The following PFDN4 variants were observed in gnomAD, a reference collection of about 807,000 sequenced individuals.
The protein encoded by PFDN4 is prefoldin 4.
In PFDN4, 6 loss-of-function variants were observed where a neutral mutation model predicts 17.6. The ratio of observed to expected loss-of-function variants is 0.34; its 90% confidence interval spans 0.19 to 0.67. The LOEUF (loss-of-function observed/expected upper bound fraction) is 0.67. Among genes scored for constraint, PFDN4 ranks in the 30% least tolerant of loss-of-function variants. The probability of loss-of-function intolerance (pLI) is 0.68; values close to 1 mark genes in which losing one functional copy is unlikely to be tolerated. For missense variants in PFDN4, 119 were observed against 158.4 expected (o/e 0.75, Z 1.33); for synonymous variants, 48 against 51.1 (o/e 0.94, Z 0.26).
chr20:54,213,540 C>A (rs2092758792), intron 1 of PFDN4, among the ~76,000 whole-genome samples: 1 of 152,124 alleles, frequency 6.6e-6, no homozygotes, highest in Non-Finnish European at 1.5e-5. Flanking sequence ...GGCTCTGTGG[C>A]TTTGGCCATA....
intron 1 of PFDN4, among the ~76,000 whole-genome samples, chr20:54,212,759 GCTGT>G (rs1436814459): frequency 7.2e-5 from 11 of 152,252 alleles, no homozygotes; most frequent in African/African-American, 2.7e-4. Context: ...AGAATTCTCT[GCTGT>G]CTATTTGCGT....
intron 3 of PFDN4, among the ~76,000 whole-genome samples, chr20:54,216,557 T>C (rs912577623): frequency 5.9e-5 from 9 of 152,204 alleles, no homozygotes; most frequent in African/African-American, 2.2e-4. Context: ...ACATTTTTAT[T>C]GGAAGTATTC....
chr20:54,215,341 G>A lies in PFDN4; in HGVS notation c.174G>A (p.Met58Ile). ...TAGAAGATGCTTGTGATGACATCAT[G>A]CTTGCAGATGATGATTGCTTAATGA... is the stretch of plus-strand genomic sequence containing the variant. Reference protein sequence around the residue: ...QNLEDACDDIMLADDDCLMIP... With the variant: ...QNLEDACDDIILADDDCLMIP... The change falls in exon 3 of 4, where the codon ATG (methionine) becomes ATA (isoleucine). Residue 58 changes from methionine to isoleucine, a missense_variant. Transcript: ENST00000371419. 6.2e-7 allele frequency: 1 copy of A among 1,601,390 alleles called. No homozygotes were observed. Among genetic ancestry groups the A allele is most frequent in the Non-Finnish European group, 8.5e-7 (1 of 1,171,044 alleles).
rs1242788813 is a variant in PFDN4, at chr20:54,215,439, A to G, written c.272A>G (p.Lys91Arg). 1.2e-5 allele frequency: 19 copies of G among 1,589,298 alleles called. No individual in the cohort carries two copies. The highest frequency in any genetic ancestry group is 1.5e-5 in the Non-Finnish European group (18 of 1,164,438). ...EETQEMLEEA[K>R]KNLQEEIDAL... ...ACGCAAGAAATGTTAGAAGAAGCAA[A>G]GGTATGTTAAAGGTTAATTCTGAAA... Residue 91 changes from lysine (K) to arginine (R), a missense_variant and splice_region_variant, in exon 3 of 4, where the codon AAG becomes AGG. Transcript: ENST00000371419.
intron 1 of PFDN4, chr20:54,208,366 C>T: frequency 7.0e-6 from 3 of 429,118 alleles, no homozygotes; most frequent in South Asian, 5.3e-5. Flanking sequence ...CCTCGAAGGA[C>T]GCAGGTCCGC....
rs1325202059 is a variant in PFDN4, at chr20:54,219,097, C to T, written c.352C>T (p.Gln118Ter). ...GCGAGTGTTAGCAGATTTGAAAGTT[C>T]AGTTGTATGCAAAATTCGGGAGCAA... Reference protein sequence around the residue: ...IQRVLADLKVQLYAKFGSNIN... With the variant: ...IQRVLADLKV Residue 118 changes from glutamine to a stop codon, truncating the protein, a stop_gained, in exon 4 of 4, where the codon CAG becomes TAG. Coordinates refer to ENST00000371419, the MANE Select transcript of PFDN4 (RefSeq NM_002623.4). LOFTEE classifies it high-confidence loss of function. 3 of 1,591,544 alleles carry T rather than the reference C, an allele frequency of 1.9e-6. No individual in the cohort carries two copies. Among genetic ancestry groups the T allele is most frequent in the Non-Finnish European group, 2.6e-6 (3 of 1,166,334 alleles).
intron 1 of PFDN4, chr20:54,209,017 A>C (rs2092752250): frequency 6.6e-6 from 1 of 152,250 alleles, no homozygotes; most frequent in Admixed American, 6.5e-5. Flanking sequence ...ATGTGTAAAG[A>C]TAGTCAGATA....
intron 3 of PFDN4, 106 bp from the exon 4 acceptor site, chr20:54,218,913 G>A: frequency 1.4e-6 from 1 of 699,942 alleles, no homozygotes; most frequent in Middle Eastern, 3.1e-4. Flanking sequence ...GCCTGTCCAA[G>A]TTTAGAAGGT....
In PFDN4 at chr20:54,219,054, C is replaced by A; in HGVS notation, c.309C>A (p.Ser103=). 6.4e-7 allele frequency: 1 copy of A among 1,574,750 alleles called. No individual in the cohort carries two copies. The change falls in exon 4 of 4, where the codon TCC becomes TCA. Residue 103 remains serine, a synonymous_variant. Coordinates refer to ENST00000371419, the MANE Select transcript of PFDN4 (RefSeq NM_002623.4). Reference sequence around the variant, plus strand: ...AAGAAGAAATTGACGCCTTAGAATCCAGAGTGGAATCAATTCAGCGAGTGT... The same window carrying A: ...AAGAAGAAATTGACGCCTTAGAATCAAGAGTGGAATCAATTCAGCGAGTGT... ...NLQEEIDALE[S]RVESIQRVLA... is the part of the protein sequence containing the mutation.
At chr20:54,218,418 G>A (rs1455412176) in intron 3 of PFDN4, among the ~76,000 whole-genome samples, 3 of 151,908 alleles carry the variant, frequency 2.0e-5, no homozygotes, top group Non-Finnish European at 4.4e-5. Flanking sequence ...ATACAATATG[G>A]AATAATTAAA....
In PFDN4 at chr20:54,210,481, C is replaced by T. The variant is rs143252107; in HGVS notation, c.24+2357C>T. On this transcript the variant is annotated intron_variant, in intron 1 of 3. Transcript: ENST00000371419. ...AAATCGTACAATCTGGAGTACTTTA[C>T]GTTTGTAACACATCGTATCTCTCAA... is the stretch of plus-strand genomic sequence containing the variant. Among the ~76,000 whole-genome samples the T allele has an allele frequency of 1.9e-3, 294 of 152,308 alleles. 1 individual carries two copies. Among genetic ancestry groups the T allele is most frequent in the African/African-American group, 6.8e-3 (284 of 41,558 alleles).
chr20:54,214,212 C>A, intron 1 of PFDN4, 139 bp from the exon 2 acceptor site: 1 of 558,548 alleles, frequency 1.8e-6, no homozygotes, highest in Non-Finnish European at 3.2e-6. Flanking sequence ...AAAAATAAGG[C>A]ATTTGTTATG....
At chr20:54,212,323 G>T (rs919439294) in intron 1 of PFDN4, among the ~76,000 whole-genome samples, 17 of 152,192 alleles carry the variant, frequency 1.1e-4, no homozygotes, top group Admixed American at 3.9e-4. Context: ...CTTACTGTCT[G>T]CTGTAAATGG....
intron 1 of PFDN4, among the ~76,000 whole-genome samples, chr20:54,213,222 T>C (rs374310560): frequency 3.3e-5 from 5 of 152,362 alleles, no homozygotes; most frequent in African/African-American, 1.2e-4. Flanking sequence ...CACACAAATA[T>C]CTTTTCTTCT....
intron 2 of PFDN4, among the ~76,000 whole-genome samples, chr20:54,214,785 G>C (rs953026977): frequency 2.0e-5 from 3 of 152,182 alleles, no homozygotes; most frequent in South Asian, 2.1e-4. Flanking sequence ...GGAACACCAA[G>C]CTGCTGCTGC....
At chr20:54,209,679 G>T (rs2092753149) in intron 1 of PFDN4, among the ~76,000 whole-genome samples, 1 of 152,240 alleles carries the variant, frequency 6.6e-6, no homozygotes, top group African/African-American at 2.4e-5. Context: ...CTGAAGTGCA[G>T]AGAGGTGAAG....
At position 54,219,893 on chromosome 20, in the gene PFDN4, T is replaced by G; in HGVS notation, c.*743T>G. On this transcript the variant is annotated 3_prime_UTR_variant, in exon 4 of 4. Coordinates refer to ENST00000371419, the MANE Select transcript of PFDN4 (RefSeq NM_002623.4). Reference sequence around the variant, plus strand: ...TTTATATTGATAAAGATGTGGAAGTTAAACAGCTATGTATGTAAAAGTAAG... The same window carrying G: ...TTTATATTGATAAAGATGTGGAAGTGAAACAGCTATGTATGTAAAAGTAAG... 2.5e-6 allele frequency: 1 copy of G among 392,926 alleles called. No individual in the cohort carries two copies. The highest frequency in any genetic ancestry group is 4.5e-6 in the Non-Finnish European group (1 of 223,054). The allele number at this position is 392,926 out of a possible 1,614,324, so 24.3% of individuals were successfully genotyped here.
In PFDN4 at chr20:54,219,568, T is replaced by C; in HGVS notation, c.*418T>C. ...TGTACAATCCTGCATCCTTGCTTAT[T>C]TCACAACTAAAGCTTTGTCATAGAC... On this transcript the variant is annotated 3_prime_UTR_variant, in exon 4 of 4. Transcript: ENST00000371419. The C allele has an allele frequency of 2.5e-6, 1 of 393,534 alleles. No individual in the cohort carries two copies. Among genetic ancestry groups the C allele is most frequent in the Non-Finnish European group, 4.5e-6 (1 of 223,740 alleles). The allele number at this position is 393,534 out of a possible 1,614,324, so 24.4% of individuals were successfully genotyped here.
At chr20:54,210,870 G>A (rs2092754878) in intron 1 of PFDN4, among the ~76,000 whole-genome samples, 1 of 152,186 alleles carries the variant, frequency 6.6e-6, no homozygotes, top group Admixed American at 6.5e-5. Context: ...TTGTCACAGT[G>A]CATGGCGTAT....
Sources: gnomAD v4.1 joint callset for allele counts (sites outside exome capture counted in the v4.1 genomes callset) on GRCh38, gnomAD v4.1.1 for gene constraint, MANE v1.5 for transcripts, NCBI Gene and HGNC (gene_info 2026-07-23, HGNC 2026-07-21) for gene names.